ASB18: variants seen among roughly 807,000 people sequenced by gnomAD.
ASB18 encodes ankyrin repeat and SOCS box containing 18.
A neutral mutation model predicts 33.4 loss-of-function variants in ASB18; 33 were observed. The ratio of observed to expected loss-of-function variants is 0.99; its 90% CI spans 0.75 to 1.32. The LOEUF is 1.32. Ranked by LOEUF, ASB18 falls within the 40% of genes most tolerant of loss-of-function variation. ASB18 has a pLI of 0.00. For missense variants in ASB18, 694 were observed against 655.5 expected, an observed-to-expected ratio of 1.06 and a Z score of -0.64; for synonymous variants, 295 against 307.6, an observed-to-expected ratio of 0.96 and a Z score of 0.43.
At chr2:236,261,631 C>A (rs950623497) in intron 1 of ASB18, among the ~76,000 whole-genome samples, 1 of 152,182 alleles carries the variant, frequency 6.6e-6, no homozygotes, top group Non-Finnish European at 1.5e-5. Flanking sequence ...ATCAAATTGT[C>A]CCTGCAGTGC....
rs554322731 is a variant in ASB18 at position 236,241,995 on chromosome 2, G to A, written c.206-593C>T. ...ATATCCTCTCAGATTTTTTTTTAAA[G>A]TACTATATTTGGAATCTGGAAATAA... is the stretch of plus-strand genomic sequence containing the variant. On this transcript the variant is annotated intron_variant, in intron 1 of 5. Coordinates refer to ENST00000409749, the MANE Select transcript of ASB18 (RefSeq NM_212556.4). The surrounding 1 kb of genome is among the most constrained non-coding windows in gnomAD (Gnocchi z 4.2). 6.6e-6 allele frequency among the ~76,000 whole-genome samples: 1 copy of A among 152,070 alleles called. No homozygotes were observed. Among genetic ancestry groups the A allele is most frequent in the East Asian group, 1.9e-4 (1 of 5,176 alleles).
intron 1 of ASB18, among the ~76,000 whole-genome samples, chr2:236,246,346 C>CAAAAAAAAAAAAAAAAA (rs60064230): frequency 1.8e-4 from 6 of 32,718 alleles, no homozygotes; most frequent in African/African-American, 4.5e-4. Flanking sequence ...GACTCCATCT[C>CAAAAAAAAAAAAAAAAA]AAAAAAAAAA....
Position 236,214,865 on chromosome 2 carries a change from A to G in ASB18, c.598T>C (p.Cys200Arg). ...HLCRTAASLG[C>R]AQALLEHGAS... ...CCGTGCTCCAGCAGCGCCTGCGCGC[A>G]CCTGTGGGAAGCCAGGGCCTGTCAC... Residue 200 changes from cysteine to arginine, a missense_variant and splice_region_variant, in exon 4 of 6, where the codon TGC becomes CGC. Coordinates refer to ENST00000409749, the MANE Select transcript of ASB18 (RefSeq NM_212556.4). This position sits in a 1 kb window ranked among gnomAD's most constrained non-coding sequence, Gnocchi z 6.5. The G allele has an allele frequency of 8.3e-7, 1 of 1,209,924 alleles. No individual in the cohort carries two copies. Among genetic ancestry groups the G allele is most frequent in the Non-Finnish European group, 1.0e-6 (1 of 973,704 alleles). The allele number at this position is 1,209,924 out of a possible 1,614,324, so 74.9% of individuals were successfully genotyped here. A position where few individuals can be genotyped will look rare whatever the true frequency, so the allele number is the denominator to read the frequency against.
rs1192460352 is a variant in ASB18, at chr2:236,200,625, T to G, written c.1102-4240A>C. ...GCCCTCACTCTCCTTTCCTCCCTCC[T>G]GCTGCCGGGACACCCCACTGGCTAT... On this transcript the variant is annotated intron_variant, in intron 4 of 5. Transcript: ENST00000409749. This position sits in a 1 kb window ranked among gnomAD's most constrained non-coding sequence, Gnocchi z 4.2. Among the ~76,000 whole-genome samples, 1 of 152,184 alleles carries G rather than the reference T, an allele frequency of 6.6e-6. No homozygotes were observed. Among genetic ancestry groups the G allele is most frequent in the African/African-American group, 2.4e-5 (1 of 41,436 alleles).
rs2060728648 is a variant in ASB18, at chr2:236,263,358, G to A, written c.205+783C>T. On this transcript the variant is annotated intron_variant, in intron 1 of 5. Coordinates refer to ENST00000409749, the MANE Select transcript of ASB18 (RefSeq NM_212556.4). The surrounding 1 kb of genome is among the most constrained non-coding windows in gnomAD (Gnocchi z 4.0). ...AATCCTATGGACAAGACTTTGTCCAGACCTGCAAAGAAAGGATGGGCGACA... is the reference window on the plus strand; with the variant it reads ...AATCCTATGGACAAGACTTTGTCCAAACCTGCAAAGAAAGGATGGGCGACA... 6.6e-6 allele frequency among the ~76,000 whole-genome samples: 1 copy of A among 152,170 alleles called. No homozygotes were observed. Among genetic ancestry groups the A allele is most frequent in the Non-Finnish European group, 1.5e-5 (1 of 68,034 alleles).
chr2:236,240,512 T>C (rs149599211), intron 2 of ASB18, among the ~76,000 whole-genome samples: 14 of 152,348 alleles, frequency 9.2e-5, no homozygotes, highest in Admixed American at 1.3e-4. Flanking sequence ...CCAACGCATG[T>C]GAAACTTCTT....
In ASB18 at chr2:236,237,670, C is replaced by T. The variant is rs1232077006; in HGVS notation, c.596+19G>A. 2.1e-6 allele frequency: 3 copies of T among 1,405,916 alleles called. No individual in the cohort carries two copies. The highest frequency in any genetic ancestry group is 3.1e-5 in the Admixed American group (1 of 32,380). 87.1% of individuals were successfully genotyped at this position (1,405,916 alleles called of 1,614,324 possible). ...CTCGGGGCGGGGCGGACGCCGCGGG[C>T]CTGTCCCGAGGTCCTTACCCGAGCG... On this transcript the variant is annotated intron_variant, in intron 3 of 5. Transcript: ENST00000409749. This position sits in a 1 kb window ranked among gnomAD's most constrained non-coding sequence, Gnocchi z 6.2.
rs13401104 is a variant in ASB18 at position 236,196,875 on chromosome 2, G to A, written c.1102-490C>T. Among the ~76,000 whole-genome samples the A allele has an allele frequency of 0.2, 30,589 of 152,136 alleles. 3,261 individuals are homozygous for A. Among genetic ancestry groups the A allele is most frequent in the African/African-American group, 0.27 (11,384 of 41,500 alleles). On this transcript the variant is annotated intron_variant, in intron 4 of 5. Coordinates refer to ENST00000409749, the MANE Select transcript of ASB18 (RefSeq NM_212556.4). This position sits in a 1 kb window ranked among gnomAD's most constrained non-coding sequence, Gnocchi z 5.6. The stretch of plus-strand genomic sequence containing the variant: ...AATTTCCTCTTGACTTGGCATTTCC[G>A]TTTTATTTTCACAGTCCCCACTGGC...
intron 3 of ASB18, among the ~76,000 whole-genome samples, chr2:236,233,065 A>G (rs2060573804): frequency 6.6e-6 from 1 of 152,108 alleles, no homozygotes; most frequent in Non-Finnish European, 1.5e-5. Flanking sequence ...AACCAAACCC[A>G]ATAATATATA....
At position 236,209,102 on chromosome 2, in the gene ASB18, C is replaced by T. The variant is rs1442433198; in HGVS notation, c.1101+5260G>A. On this transcript the variant is annotated intron_variant, in intron 4 of 5. Coordinates refer to ENST00000409749, the MANE Select transcript of ASB18 (RefSeq NM_212556.4). This position sits in a 1 kb window ranked among gnomAD's most constrained non-coding sequence, Gnocchi z 4.4. ...GCCCTGGTTTTTGACTACTGCTACT[C>T]CAGAAATCTCCCACTAAAAATCCTG... Among the ~76,000 whole-genome samples, 1 of 151,586 alleles carries T rather than the reference C, an allele frequency of 6.6e-6. No individual in the cohort carries two copies. Among genetic ancestry groups the T allele is most frequent in the Non-Finnish European group, 1.5e-5 (1 of 67,932 alleles).
chr2:236,239,995 C>T lies in ASB18; in HGVS notation c.328+1285G>A, dbSNP rs1325990916. 2.0e-5 allele frequency among the ~76,000 whole-genome samples: 3 copies of T among 152,196 alleles called. No homozygotes were observed. Among genetic ancestry groups the T allele is most frequent in the Non-Finnish European group, 4.4e-5 (3 of 68,036 alleles). On this transcript the variant is annotated intron_variant, in intron 2 of 5. Transcript: ENST00000409749. This position sits in a 1 kb window ranked among gnomAD's most constrained non-coding sequence, Gnocchi z 5.6. ...CCAGCCCACATCCCTTTGCTGTGGG[C>T]GTGCTCCAGTATCCTGTCGTCCAGG... is the stretch of plus-strand genomic sequence containing the variant.
At chr2:236,207,889 T>C (rs1330206231) in intron 4 of ASB18, among the ~76,000 whole-genome samples, 2 of 151,452 alleles carry the variant, frequency 1.3e-5, no homozygotes, top group African/African-American at 4.9e-5. Flanking sequence ...CAGAAGGACA[T>C]TGGGTCTGGG....
chr2:236,243,705 G>A (rs1466656919), intron 1 of ASB18, among the ~76,000 whole-genome samples: 6 of 151,910 alleles, frequency 3.9e-5, no homozygotes, highest in Admixed American at 3.9e-4. Context: ...TCAAATGAAT[G>A]ATAACAGTTC....
rs1236187448 is a variant in ASB18, at chr2:236,229,541, A to T, written c.596+8148T>A. Among the ~76,000 whole-genome samples the T allele has an allele frequency of 6.6e-6, 1 of 152,166 alleles. No homozygotes were observed. Among genetic ancestry groups the T allele is most frequent in the East Asian group, 1.9e-4 (1 of 5,182 alleles). On this transcript the variant is annotated intron_variant, in intron 3 of 5. Transcript: ENST00000409749. This position sits in a 1 kb window ranked among gnomAD's most constrained non-coding sequence, Gnocchi z 5.2. ...AAGATACTCAATGAATCCCAAGCAT[A>T]AGAAACATAAAGAAAACTTGCCTGG...
Position 236,263,992 on chromosome 2 carries a change from C to T in ASB18, c.205+149G>A. 2.9e-6 allele frequency: 2 copies of T among 678,112 alleles called. No homozygotes were observed. Among genetic ancestry groups the T allele is most frequent in the East Asian group, 2.7e-5 (1 of 36,936 alleles). The allele number at this position is 678,112 out of a possible 1,614,324, so 42.0% of individuals were successfully genotyped here. On this transcript the variant is annotated intron_variant, in intron 1 of 5. Coordinates refer to ENST00000409749, the MANE Select transcript of ASB18 (RefSeq NM_212556.4). The surrounding 1 kb of genome is among the most constrained non-coding windows in gnomAD (Gnocchi z 4.0). ...GCATGTACATGGTCTATGCAGTACA[C>T]ATATATGCATGTATGTATGAGAGTC...
At chr2:236,242,001 T>C (rs943314554) in intron 1 of ASB18, among the ~76,000 whole-genome samples, 1 of 152,166 alleles carries the variant, frequency 6.6e-6, no homozygotes, top group Non-Finnish European at 1.5e-5. Context: ...TAAAGTACTA[T>C]ATTTGGAATC....
chr2:236,262,976 T>C lies in ASB18; in HGVS notation c.205+1165A>G, dbSNP rs2060726781. On this transcript the variant is annotated intron_variant, in intron 1 of 5. Transcript: ENST00000409749. This position sits in a 1 kb window ranked among gnomAD's most constrained non-coding sequence, Gnocchi z 5.2. ...ATTCCCTAGCAGCAACTCCCACTCA[T>C]GTCCCATCTGTGTTCCTCCTGCATG... is the stretch of plus-strand genomic sequence containing the variant. Among the ~76,000 whole-genome samples the C allele has an allele frequency of 6.6e-6, 1 of 152,182 alleles. No individual in the cohort carries two copies. Among genetic ancestry groups the C allele is most frequent in the Non-Finnish European group, 1.5e-5 (1 of 68,030 alleles).
rs1361670578 is a variant in ASB18, at chr2:236,204,151, A to G, written c.1102-7766T>C. Among the ~76,000 whole-genome samples the G allele has an allele frequency of 6.6e-6, 1 of 152,102 alleles. No individual in the cohort carries two copies. Among genetic ancestry groups the G allele is most frequent in the Non-Finnish European group, 1.5e-5 (1 of 68,018 alleles). On this transcript the variant is annotated intron_variant, in intron 4 of 5. Transcript: ENST00000409749. This position sits in a 1 kb window ranked among gnomAD's most constrained non-coding sequence, Gnocchi z 5.1. Reference sequence around the variant, plus strand: ...GTTATCTCTTTGTCAGCTGGAGTACATCTACCTCAATGGGCCATTAGCCCC... The same window carrying G: ...GTTATCTCTTTGTCAGCTGGAGTACGTCTACCTCAATGGGCCATTAGCCCC...
In ASB18 at chr2:236,259,178, G is replaced by C. The variant is rs1559340070; in HGVS notation, c.205+4963C>G. 6.6e-6 allele frequency among the ~76,000 whole-genome samples: 1 copy of C among 152,166 alleles called. No individual in the cohort carries two copies. The highest frequency in any genetic ancestry group is 1.5e-5 in the Non-Finnish European group (1 of 68,038). On this transcript the variant is annotated intron_variant, in intron 1 of 5. Transcript: ENST00000409749. The surrounding 1 kb of genome is among the most constrained non-coding windows in gnomAD (Gnocchi z 4.4). ...TGCTAATATTAAACAGTAGAGACTT[G>C]GCTTTAGCAGAAAGTAGAATTAAAT...
Sources: allele counts gnomAD v4.1 joint callset (sites outside exome capture counted in the v4.1 genomes callset), GRCh38; gene constraint gnomAD v4.1.1; non-coding constraint Gnocchi (gnomAD v3.1); transcripts MANE v1.5; gene names NCBI Gene and HGNC (gene_info 2026-07-23, HGNC 2026-07-21).